Variants in SLC66A3 observed in about 807,000 individuals in gnomAD.
The protein encoded by SLC66A3 is PQ loop repeat containing 3.
In SLC66A3, 23 loss-of-function variants were observed where a neutral mutation model predicts 25.5. That is an observed-to-expected ratio of 0.90 (90% CI 0.65 to 1.28). The LOEUF is 1.28. Ranked by LOEUF, SLC66A3 falls within the 50% of genes most tolerant of loss-of-function variation. The probability of loss-of-function intolerance (pLI) is 0.00; values close to 1 mark genes in which losing one functional copy is unlikely to be tolerated. For missense variants in SLC66A3, 246 were observed against 262.1 expected (o/e 0.94, Z 0.42); for synonymous variants, 108 against 112.6 (o/e 0.96, Z 0.26).
At chr2:11,160,906 G>A (rs1299126764) in intron 3 of SLC66A3, 7 of 746,614 alleles carry the variant, frequency 9.4e-6, no homozygotes, top group Non-Finnish European at 1.5e-5. Context: ...TGCCCTGGGC[G>A]GTGCCAGCAG....
rs773542173 is a variant in SLC66A3, at chr2:11,174,955, T to A, written c.476-13T>A. ...GAGGCAAGTTACTTATTGCTGCAAG[T>A]TTTCTTTTACAGCAAGAATAATCAC... On this transcript the variant is annotated splice_polypyrimidine_tract_variant and intron_variant, in intron 5 of 6. Coordinates refer to ENST00000295083, the MANE Select transcript of SLC66A3 (RefSeq NM_152391.5). The A allele has an allele frequency of 6.2e-7, 1 of 1,604,872 alleles. No individual in the cohort carries two copies. The highest frequency in any genetic ancestry group is 8.5e-7 in the Non-Finnish European group (1 of 1,176,198).
At chr2:11,175,733 A>G (rs1193620953) in intron 6 of SLC66A3, among the ~76,000 whole-genome samples, 1 of 152,246 alleles carries the variant, frequency 6.6e-6, no homozygotes, top group Non-Finnish European at 1.5e-5. Flanking sequence ...GTTAACCACA[A>G]AAGAATTTAG....
chr2:11,160,356 C>G (rs1034629645), intron 1 of SLC66A3, 110 bp from the exon 2 acceptor site: 2 of 863,296 alleles, frequency 2.3e-6, no homozygotes, highest in South Asian at 1.3e-5. Context: ...GGCGTGTCCA[C>G]ACCCCCACTG....
At chr2:11,162,699 C>T (rs531468850) in intron 3 of SLC66A3, among the ~76,000 whole-genome samples, 40 of 152,294 alleles carry the variant, frequency 2.6e-4, no homozygotes, top group African/African-American at 7.7e-4. Context: ...CTCCGCCTCC[C>T]GGGTTCACGC....
intron 3 of SLC66A3, among the ~76,000 whole-genome samples, chr2:11,161,190 G>A (rs1209310767): frequency 6.6e-6 from 1 of 152,078 alleles, no homozygotes; most frequent in East Asian, 1.9e-4. Flanking sequence ...GAATGAGGGT[G>A]AGGCTTCATT....
intron 4 of SLC66A3, among the ~76,000 whole-genome samples, chr2:11,165,862 G>A (rs974762675): frequency 2.6e-5 from 4 of 151,206 alleles, no homozygotes; most frequent in Non-Finnish European, 4.4e-5. Context: ...AAAAAAATAC[G>A]AAAACCAGTC....
intron 1 of SLC66A3, among the ~76,000 whole-genome samples, chr2:11,158,894 G>T (rs74936074): frequency 4.1e-4 from 63 of 152,324 alleles, no homozygotes; most frequent in African/African-American, 1.2e-3. Context: ...GGGATGGGGG[G>T]AGTTTGAATC....
At position 11,174,967 on chromosome 2, in the gene SLC66A3, G is replaced by T. The variant is rs201839431; in HGVS notation, c.476-1G>T. 1.9e-6 allele frequency: 3 copies of T among 1,606,868 alleles called. No homozygotes were observed. Among genetic ancestry groups the T allele is most frequent in the Non-Finnish European group, 2.5e-6 (3 of 1,177,470 alleles). On this transcript the variant is annotated splice_acceptor_variant, in intron 5 of 6. Transcript: ENST00000295083. LOFTEE classifies it high-confidence loss of function. The stretch of plus-strand genomic sequence containing the variant: ...TTATTGCTGCAAGTTTTCTTTTACA[G>T]CAAGAATAATCACAACCTTAATGAC...
rs774602499 is a variant in SLC66A3, at chr2:11,177,788, C to T, written c.569C>T (p.Thr190Ile). ...GCTTTAAATATATGGGTAACAGTGA[C>T]AGTACTTCGCTACCGGAAGACCGCT... ...MLALNIWVTV[T>I]VLRYRKTAIK... is the part of the protein sequence containing the mutation. The change falls in exon 7 of 7, where the codon ACA becomes ATA. Residue 190 changes from threonine to isoleucine, a missense_variant. Physicochemically the swap from Thr to Ile is moderately conservative, Grantham distance 89. Transcript: ENST00000295083. 5 of 1,611,532 alleles carry T rather than the reference C, an allele frequency of 3.1e-6. No individual in the cohort carries two copies. The South Asian group carries it at 3.3e-5, about 11-fold the overall frequency.
chr2:11,158,591 G>A (rs1460441582), intron 1 of SLC66A3, among the ~76,000 whole-genome samples: 1 of 152,242 alleles, frequency 6.6e-6, no homozygotes, highest in Non-Finnish European at 1.5e-5. Context: ...GAACCCGGGA[G>A]GCGGAGCTTG....
chr2:11,172,630 G>T (rs1662594203), intron 5 of SLC66A3: 4 of 239,882 alleles, frequency 1.7e-5, no homozygotes, highest in Non-Finnish European at 3.6e-5. Context: ...CTTCATCATG[G>T]TTCTTCTGCA....
At chr2:11,168,600 G>A (rs955782355) in intron 4 of SLC66A3, among the ~76,000 whole-genome samples, 3 of 151,942 alleles carry the variant, frequency 2.0e-5, no homozygotes, top group South Asian at 2.1e-4. Flanking sequence ...CCGACTCCTC[G>A]CCACCCCGCC....
chr2:11,161,454 A>T (rs11891980), intron 3 of SLC66A3, among the ~76,000 whole-genome samples: 50,325 of 151,088 alleles, frequency 0.33, 8,663 homozygotes, highest in East Asian at 0.51. Context: ...ATGCCACCAC[A>T]CCCAGTTAAT....
At chr2:11,165,575 G>A (rs988172932) in intron 4 of SLC66A3, among the ~76,000 whole-genome samples, 4 of 152,110 alleles carry the variant, frequency 2.6e-5, no homozygotes, top group Non-Finnish European at 5.9e-5. Context: ...CAGACGATGG[G>A]CGGCCAGGCA....
At position 11,178,123 on chromosome 2, in the gene SLC66A3, T is replaced by TAAGA. The variant is rs1240328286; in HGVS notation, c.*296_*297insAGAA. The stretch of plus-strand genomic sequence containing the variant: ...CCCATTTTGAGGCCATTTTGAGCCT[T>TAAGA]ACTCTTAAGTTCTCTATGAAGAACT... On this transcript the variant is annotated 3_prime_UTR_variant, in exon 7 of 7. Coordinates refer to ENST00000295083, the MANE Select transcript of SLC66A3 (RefSeq NM_152391.5). 7 of 236,256 alleles carry TAAGA rather than the reference T, an allele frequency of 3.0e-5. No homozygotes were observed. In the East Asian group the frequency reaches 6.2e-4, roughly 21 times the overall value. 14.6% of individuals were successfully genotyped at this position (236,256 alleles called of 1,614,324 possible). A position where few individuals can be genotyped will look rare whatever the true frequency, so the allele number is the denominator to read the frequency against.
chr2:11,162,483 A>T (rs1215890968), intron 3 of SLC66A3, among the ~76,000 whole-genome samples: 1 of 152,266 alleles, frequency 6.6e-6, no homozygotes, highest in African/African-American at 2.4e-5. Flanking sequence ...GGGAGATACC[A>T]CATGGCTGGA....
chr2:11,156,891 G>A (rs6754378), intron 1 of SLC66A3, among the ~76,000 whole-genome samples: 1,772 of 152,266 alleles, frequency 0.012, 28 homozygotes, highest in African/African-American at 0.039. Flanking sequence ...AGGCTGGAGC[G>A]ATGAGGTTGT....
chr2:11,161,080 G>A (rs1662112672), intron 3 of SLC66A3, among the ~76,000 whole-genome samples: 1 of 152,192 alleles, frequency 6.6e-6, no homozygotes, highest in Non-Finnish European at 1.5e-5. Flanking sequence ...TTAGCTTAGA[G>A]GCTAAACCTT....
At position 11,164,347 on chromosome 2, in the gene SLC66A3, T is replaced by TATATA. The variant is rs1358628684; in HGVS notation, c.354+86_354+87insATATA. The TATATA allele has an allele frequency of 2.1e-4, 15 of 72,868 alleles. No individual in the cohort carries two copies. The Admixed American group carries it at 3.3e-3, about 16-fold the overall frequency. The allele number at this position is 72,868 out of a possible 1,614,324, so 4.5% of individuals were successfully genotyped here. A position where few individuals can be genotyped will look rare whatever the true frequency, so the allele number is the denominator to read the frequency against. Reference sequence around the variant, plus strand: ...GATATTTATATATATATATATATATTTTTTTTTTTTTGAAATGGAGTTTCA... The same window carrying TATATA: ...GATATTTATATATATATATATATATTATATATTTTTTTTTTTGAAATGGAGTTTCA... On this transcript the variant is annotated intron_variant, in intron 4 of 6. Coordinates refer to ENST00000295083, the MANE Select transcript of SLC66A3 (RefSeq NM_152391.5).
Sources: gnomAD v4.1 joint callset for allele counts (sites outside exome capture counted in the v4.1 genomes callset) on GRCh38, gnomAD v4.1.1 for gene constraint, MANE v1.5 for transcripts, NCBI Gene and HGNC (gene_info 2026-07-23, HGNC 2026-07-21) for gene names.